Variants in NOL4 observed in about 807,000 individuals in gnomAD.
NOL4 encodes the protein cancer/testis antigen 125.
A neutral mutation model predicts 75.9 loss-of-function variants in NOL4; 17 were observed. The ratio of observed to expected loss-of-function variants is 0.22; its 90% CI spans 0.15 to 0.34. NOL4 has a LOEUF of 0.34. Among genes scored for constraint, NOL4 ranks in the 10% least tolerant of loss-of-function variants. NOL4 has a pLI of 1.00. For synonymous variants in NOL4, 292 were observed against 289.9 expected (o/e 1.01, Z -0.07); for missense variants, 614 against 793.5 (o/e 0.77, Z 2.72).
At chr18:34,176,108 G>A (rs140092637) in intron 1 of NOL4, among the ~76,000 whole-genome samples, 3,025 of 152,048 alleles carry the variant, frequency 0.02, 40 homozygotes, top group Non-Finnish European at 0.028. Context: ...ACTAGCTGGA[G>A]AATATTAATA....
At chr18:33,861,969 C>T (rs2063161250) in intron 10 of NOL4, among the ~76,000 whole-genome samples, 1 of 152,126 alleles carries the variant, frequency 6.6e-6, no homozygotes, top group Non-Finnish European at 1.5e-5. Flanking sequence ...CAAGTCAAAC[C>T]TAAACCAAAA....
chr18:34,164,644 G>T (rs950027549), intron 1 of NOL4, among the ~76,000 whole-genome samples: 1 of 152,046 alleles, frequency 6.6e-6, no homozygotes, highest in South Asian at 2.1e-4. Flanking sequence ...CTGTTGGTGG[G>T]ACTGTAAACT....
At chr18:33,973,671 T>C (rs2071258171) in intron 6 of NOL4, among the ~76,000 whole-genome samples, 1 of 152,208 alleles carries the variant, frequency 6.6e-6, no homozygotes, top group African/African-American at 2.4e-5. Context: ...GAAAACATCA[T>C]TAATCTTCTT....
chr18:34,001,148 A>G (rs886888677), intron 6 of NOL4, among the ~76,000 whole-genome samples: 1 of 152,150 alleles, frequency 6.6e-6, no homozygotes, highest in African/African-American at 2.4e-5. Context: ...TATTCCTAGT[A>G]ACTATATGAT....
intron 5 of NOL4, among the ~76,000 whole-genome samples, chr18:34,041,609 G>A (rs2076144927): frequency 6.6e-6 from 1 of 151,766 alleles, no homozygotes; most frequent in South Asian, 2.1e-4. Flanking sequence ...CTTTAACAAA[G>A]CCCTGGCTTC....
At chr18:34,143,392 T>C (rs906958530) in intron 1 of NOL4, among the ~76,000 whole-genome samples, 1 of 152,202 alleles carries the variant, frequency 6.6e-6, no homozygotes, top group Non-Finnish European at 1.5e-5. Context: ...CAGAATACTT[T>C]CATTGATTTT....
intron 6 of NOL4, among the ~76,000 whole-genome samples, chr18:34,009,236 C>T (rs2074235878): frequency 1.3e-5 from 2 of 151,608 alleles, no homozygotes; most frequent in Admixed American, 1.3e-4. Flanking sequence ...ATCAAGAATG[C>T]CTATAAAATG....
chr18:34,047,684 G>A (rs2076443740), intron 5 of NOL4, among the ~76,000 whole-genome samples: 1 of 152,018 alleles, frequency 6.6e-6, no homozygotes, highest in South Asian at 2.1e-4. Flanking sequence ...ATTCATACAA[G>A]GTTTCTAGCT....
At chr18:34,002,073 T>TA (rs1475305230) in intron 6 of NOL4, among the ~76,000 whole-genome samples, 4 of 152,124 alleles carry the variant, frequency 2.6e-5, no homozygotes, top group Non-Finnish European at 5.9e-5. Context: ...AATACCTTGC[T>TA]TAGATTATTT....
intron 1 of NOL4, among the ~76,000 whole-genome samples, chr18:34,187,699 T>G (rs2034596769): frequency 6.6e-6 from 1 of 152,224 alleles, no homozygotes; most frequent in Non-Finnish European, 1.5e-5. Context: ...CCACTTCTTT[T>G]TAATGCTAAA....
At chr18:34,005,302 C>T (rs540324066) in intron 6 of NOL4, among the ~76,000 whole-genome samples, 4 of 152,150 alleles carry the variant, frequency 2.6e-5, no homozygotes, top group African/African-American at 4.8e-5. Context: ...GCCATCTTTT[C>T]GTGTACTTTG....
At chr18:34,164,756 A>G (rs1330940112) in intron 1 of NOL4, among the ~76,000 whole-genome samples, 1 of 151,906 alleles carries the variant, frequency 6.6e-6, no homozygotes, top group Non-Finnish European at 1.5e-5. Context: ...TACCCAAAGG[A>G]CTATAAATCA....
chr18:34,079,720 G>T (rs1600510057), intron 5 of NOL4, among the ~76,000 whole-genome samples: 1 of 151,956 alleles, frequency 6.6e-6, no homozygotes, highest in East Asian at 1.9e-4. Flanking sequence ...GAAAAAAAAA[G>T]TTCTTATGTA....
chr18:33,903,336 T>G (rs545706449), intron 9 of NOL4, among the ~76,000 whole-genome samples: 28 of 152,232 alleles, frequency 1.8e-4, no homozygotes, highest in African/African-American at 6.5e-4. Context: ...CATAATCCAA[T>G]CACCTCCCAC....
intron 6 of NOL4, among the ~76,000 whole-genome samples, chr18:34,015,484 C>G (rs1397325599): frequency 1.3e-5 from 2 of 151,916 alleles, no homozygotes; most frequent in East Asian, 3.9e-4. Context: ...TAAAATATCC[C>G]CTTCTTATCT....
chr18:34,084,356 C>T (rs1385835141), intron 5 of NOL4, among the ~76,000 whole-genome samples: 1 of 152,148 alleles, frequency 6.6e-6, no homozygotes, highest in Non-Finnish European at 1.5e-5. Context: ...CCATAAACCC[C>T]TGGCTAGGGA....
intron 9 of NOL4, among the ~76,000 whole-genome samples, chr18:33,883,986 G>A (rs1048026766): frequency 6.6e-6 from 1 of 152,010 alleles, no homozygotes; most frequent in Non-Finnish European, 1.5e-5. Context: ...AAAGGTATAG[G>A]GTTTCCGTCA....
intron 5 of NOL4, among the ~76,000 whole-genome samples, chr18:34,058,713 C>T (rs901079265): frequency 2.0e-4 from 30 of 151,990 alleles, no homozygotes; most frequent in African/African-American, 6.3e-4. Context: ...GAAACTGTAT[C>T]CACAGTTTTT....
intron 1 of NOL4, among the ~76,000 whole-genome samples, chr18:34,172,872 T>G (rs1465129219): frequency 6.6e-6 from 1 of 152,140 alleles, no homozygotes; most frequent in African/African-American, 2.4e-5. Flanking sequence ...TTTAGACTTT[T>G]TGCTGTTGAG....
Sources: gnomAD v4.1 joint callset for allele counts (sites outside exome capture counted in the v4.1 genomes callset) on GRCh38, gnomAD v4.1.1 for gene constraint, MANE v1.5 for transcripts, NCBI Gene and HGNC (gene_info 2026-07-23, HGNC 2026-07-21) for gene names.